The following NAALADL2 variants were observed in gnomAD, a reference collection of about 807,000 sequenced individuals.
NAALADL2 encodes N-acetylated alpha-linked acidic dipeptidase like 2.
Under a neutral mutation model 87.2 loss-of-function variants are expected in NAALADL2, and 76 were observed. That is an observed-to-expected ratio of 0.87 (90% CI 0.72 to 1.05). The LOEUF (loss-of-function observed/expected upper bound fraction) is 1.05, where lower values mean the gene tolerates loss of function less well. Ranked by LOEUF, NAALADL2 falls within the 50% of genes least tolerant of loss-of-function variation. The pLI, the probability that NAALADL2 is intolerant of heterozygous loss-of-function variation, is 0.00. For synonymous variants in NAALADL2, 354 were observed against 331.0 expected (o/e 1.07, Z -0.75); for missense variants, 1,089 against 945.8 (o/e 1.15, Z -1.99).
At chr3:175,100,838 C>CAAAAA (rs562200946) in intron 2 of NAALADL2, among the ~76,000 whole-genome samples, 12 of 69,318 alleles carry the variant, frequency 1.7e-4, no homozygotes, top group African/African-American at 4.6e-4. Flanking sequence ...GACTCTGTCT[C>CAAAAA]AAAAAAAAAA....
chr3:175,628,611 C>G (rs9872277), intron 11 of NAALADL2, among the ~76,000 whole-genome samples: 79,153 of 131,374 alleles, frequency 0.6, 24,614 homozygotes, highest in Non-Finnish European at 0.69. Flanking sequence ...TAATCTCTCT[C>G]TCTATGTATA....
At chr3:175,008,583 TAAGTA>T (rs1749354319) in intron 1 of NAALADL2, among the ~76,000 whole-genome samples, 1 of 152,098 alleles carries the variant, frequency 6.6e-6, no homozygotes, top group African/African-American at 2.4e-5. Flanking sequence ...TTTCTTATAC[TAAGTA>T]AAGAGAATCA....
At chr3:174,586,515 C>T (rs1327888535) in intron 2 of NAALADL2, among the ~76,000 whole-genome samples, 4 of 152,174 alleles carry the variant, frequency 2.6e-5, no homozygotes, top group Non-Finnish European at 5.9e-5. Flanking sequence ...AACTTACATA[C>T]AGTGGTCCAG....
At chr3:175,055,616 C>T (rs990342978) in intron 1 of NAALADL2, among the ~76,000 whole-genome samples, 7 of 152,224 alleles carry the variant, frequency 4.6e-5, no homozygotes, top group Admixed American at 3.9e-4. Context: ...TTCCCGAAAT[C>T]GGGTTCCCAT....
intron 2 of NAALADL2, among the ~76,000 whole-genome samples, chr3:174,648,568 C>A (rs141669387): frequency 6.6e-6 from 1 of 151,992 alleles, no homozygotes; most frequent in Non-Finnish European, 1.5e-5. Flanking sequence ...AAAAATGTTA[C>A]TTTATTTATG....
chr3:175,183,624 T>C (rs1736924436), intron 2 of NAALADL2, among the ~76,000 whole-genome samples: 1 of 152,098 alleles, frequency 6.6e-6, no homozygotes, highest in Admixed American at 6.6e-5. Context: ...TAACATGGTG[T>C]ATCACATTTA....
At chr3:175,708,004 G>GA (rs71626218) in intron 11 of NAALADL2, among the ~76,000 whole-genome samples, 15 of 149,540 alleles carry the variant, frequency 1.0e-4, no homozygotes, top group East Asian at 9.8e-4. Flanking sequence ...AGACATGGGG[G>GA]AAAAAAAAAC....
intron 2 of NAALADL2, among the ~76,000 whole-genome samples, chr3:174,736,752 G>A (rs1051535558): frequency 3.9e-5 from 6 of 152,152 alleles, no homozygotes; most frequent in African/African-American, 1.4e-4. Context: ...TGGCTTGAAG[G>A]TGCAGTTTTA....
chr3:174,746,853 G>A (rs1377422379), intron 3 of NAALADL2, among the ~76,000 whole-genome samples: 4 of 152,170 alleles, frequency 2.6e-5, no homozygotes, highest in African/African-American at 9.7e-5. Flanking sequence ...AATAAATTGT[G>A]CTGGGAAAAC....
At chr3:175,555,441 C>T (rs1295892643) in intron 9 of NAALADL2, among the ~76,000 whole-genome samples, 1 of 152,116 alleles carries the variant, frequency 6.6e-6, no homozygotes, top group Non-Finnish European at 1.5e-5. Flanking sequence ...GTGTTAACGT[C>T]GTGAAGTAAT....
chr3:175,324,298 C>G lies in NAALADL2; in HGVS notation c.1063C>G (p.Pro355Ala). 1.9e-6 allele frequency: 3 copies of G among 1,611,958 alleles called. No homozygotes were observed. The highest frequency in any genetic ancestry group is 2.5e-6 in the Non-Finnish European group (3 of 1,179,122). The change falls in exon 5 of 14, where the codon CCT becomes GCT. Residue 355 changes from proline to alanine, a missense_variant. Pro to Ala is a conservative substitution (Grantham distance 27). Transcript: ENST00000454872. ...FMVSLNPGGD[P>A]STPGYPSVDE... The stretch of plus-strand genomic sequence containing the variant: ...GGTGTCACTGAATCCAGGAGGAGAC[C>G]CTTCTACGCCTGGTTACCCAAGTGT...
intron 2 of NAALADL2, among the ~76,000 whole-genome samples, chr3:175,182,550 GTTTTTTTTTTTTTT>G (rs1161831796): frequency 5.6e-4 from 39 of 69,474 alleles, no homozygotes; most frequent in African/African-American, 2.3e-3. Flanking sequence ...ACCACAGCCA[GTTTTTTTTTTTTTT>G]TTTTTTTTTT....
chr3:174,564,846 T>G (rs1247698089), intron 2 of NAALADL2, among the ~76,000 whole-genome samples: 3 of 152,096 alleles, frequency 2.0e-5, no homozygotes, highest in Non-Finnish European at 4.4e-5. Flanking sequence ...TATCTTTTTT[T>G]TTCCATTTCT....
chr3:174,544,996 C>T (rs1722602148), intron 1 of NAALADL2, among the ~76,000 whole-genome samples: 1 of 152,066 alleles, frequency 6.6e-6, no homozygotes, highest in African/African-American at 2.4e-5. Context: ...TCACCTCAGC[C>T]TCCCATGTTT....
At chr3:174,986,132 A>G (rs1160144822) in intron 1 of NAALADL2, among the ~76,000 whole-genome samples, 1 of 151,666 alleles carries the variant, frequency 6.6e-6, no homozygotes, top group Non-Finnish European at 1.5e-5. Context: ...TATCAACATT[A>G]GCAATCAAGA....
chr3:175,560,117 CTTGTTA>C (rs1295906359), intron 9 of NAALADL2, among the ~76,000 whole-genome samples: 1 of 152,030 alleles, frequency 6.6e-6, no homozygotes, highest in Non-Finnish European at 1.5e-5. Context: ...GATGTCTTTA[CTTGTTA>C]TTGGTCTGTT....
intron 3 of NAALADL2, among the ~76,000 whole-genome samples, chr3:174,747,865 T>C (rs1360984231): frequency 6.6e-6 from 1 of 152,184 alleles, no homozygotes; most frequent in African/African-American, 2.4e-5. Flanking sequence ...TGCATGTGCA[T>C]GTTCATTGCA....
At chr3:175,552,417 G>A (rs1426728203) in intron 9 of NAALADL2, among the ~76,000 whole-genome samples, 1 of 152,000 alleles carries the variant, frequency 6.6e-6, no homozygotes, top group Non-Finnish European at 1.5e-5. Context: ...AAATGACTAG[G>A]GGCAATTCTG....
intron 5 of NAALADL2, among the ~76,000 whole-genome samples, chr3:175,414,249 C>T (rs1042383146): frequency 1.4e-4 from 21 of 152,284 alleles, no homozygotes; most frequent in Admixed American, 2.6e-4. Context: ...TGAGAAAAAA[C>T]GCAGGGAGCC....
Sources: allele counts gnomAD v4.1 joint callset (sites outside exome capture counted in the v4.1 genomes callset), GRCh38; gene constraint gnomAD v4.1.1; transcripts MANE v1.5; gene names NCBI Gene and HGNC (gene_info 2026-07-23, HGNC 2026-07-21).